Variants in SLC38A12 observed in about 807,000 individuals in gnomAD.
SLC38A12 encodes putative sodium-coupled neutral amino acid transporter 12.
At chr17:74,808,712 C>T in the SLC38A12 span, among the ~76,000 whole-genome samples, 2 of 152,196 alleles carry the variant, frequency 1.3e-5, no homozygotes, top group Admixed American at 1.3e-4. Flanking sequence ...AATACCAGCT[C>T]CCAGCTAGAA....
the SLC38A12 span, among the ~76,000 whole-genome samples, chr17:74,819,137 C>T: frequency 2.6e-5 from 4 of 152,198 alleles, no homozygotes; most frequent in East Asian, 1.9e-4. Context: ...TTGGTCATCC[C>T]GGGTACTTCC....
chr17:74,833,315 G>A, the SLC38A12 span, among the ~76,000 whole-genome samples: 4 of 152,310 alleles, frequency 2.6e-5, no homozygotes, highest in East Asian at 3.9e-4. Flanking sequence ...GTGCCCAGCC[G>A]CCATGGCTTT....
chr17:74,782,534 T>C, the SLC38A12 span, among the ~76,000 whole-genome samples: 6 of 152,226 alleles, frequency 3.9e-5, no homozygotes, highest in Non-Finnish European at 8.8e-5. Flanking sequence ...CTGAGCTAGC[T>C]AGATGACCCC....
At chr17:74,782,551 C>G in the SLC38A12 span, among the ~76,000 whole-genome samples, 5 of 152,330 alleles carry the variant, frequency 3.3e-5, no homozygotes, top group Admixed American at 1.3e-4. Context: ...CCCCTTCCCA[C>G]CCTTGTACAC....
chr17:74,836,791 T>G, the SLC38A12 span: 10 of 1,468,926 alleles, frequency 6.8e-6, no homozygotes, highest in Non-Finnish European at 8.1e-6. The surrounding 1 kb of genome is among the most constrained non-coding windows in gnomAD (Gnocchi z 4.2). Context: ...ATGGGGCAGG[T>G]GGGACTGTGG....
the SLC38A12 span, among the ~76,000 whole-genome samples, chr17:74,804,253 TAAAG>T: frequency 4.6e-5 from 7 of 152,268 alleles, no homozygotes; most frequent in African/African-American, 1.7e-4. Flanking sequence ...TTTAATTAAA[TAAAG>T]CACTCACTCA....
At chr17:74,790,896 C>T in the SLC38A12 span, 7 of 1,525,774 alleles carry the variant, frequency 4.6e-6, no homozygotes, top group Non-Finnish European at 6.3e-6. Flanking sequence ...GTCCTCACCA[C>T]CCTCTGAAGC....
chr17:74,795,567 A>C, the SLC38A12 span: 1 of 1,614,102 alleles, frequency 6.2e-7, no homozygotes, highest in East Asian at 2.2e-5. Context: ...AGCAGACACC[A>C]AATACAATGA....
the SLC38A12 span, among the ~76,000 whole-genome samples, chr17:74,782,816 G>A: frequency 6.6e-6 from 1 of 152,170 alleles, no homozygotes; most frequent in South Asian, 2.1e-4. Flanking sequence ...CATCATTCTG[G>A]GATTTGTCTG....
the SLC38A12 span, chr17:74,836,623 T>C: frequency 1.2e-6 from 2 of 1,612,832 alleles, no homozygotes; most frequent in Non-Finnish European, 1.7e-6. This position sits in a 1 kb window ranked among gnomAD's most constrained non-coding sequence, Gnocchi z 4.2. Flanking sequence ...TTCGTGCTGC[T>C]CTGGGCTTTC....
At chr17:74,796,704 T>C in the SLC38A12 span, among the ~76,000 whole-genome samples, 2 of 152,162 alleles carry the variant, frequency 1.3e-5, no homozygotes, top group Non-Finnish European at 2.9e-5. Context: ...TGGCTAGCAG[T>C]TTAGTAGGCT....
chr17:74,803,936 A>G, the SLC38A12 span, among the ~76,000 whole-genome samples: 2 of 152,254 alleles, frequency 1.3e-5, no homozygotes, highest in African/African-American at 4.8e-5. Flanking sequence ...ACAAAATAAA[A>G]GTGTCAAAAA....
chr17:74,778,915 G>A, the SLC38A12 span, among the ~76,000 whole-genome samples: 4 of 152,092 alleles, frequency 2.6e-5, no homozygotes, highest in East Asian at 3.9e-4. Flanking sequence ...TGATCCACCC[G>A]CCTCAGCCTC....
At chr17:74,834,265 C>CT in the SLC38A12 span, among the ~76,000 whole-genome samples, 1,008 of 152,210 alleles carry the variant, frequency 6.6e-3, 5 homozygotes, top group Middle Eastern at 0.075. Flanking sequence ...TAGGTCGCCG[C>CT]TTCCGCTTGA....
chr17:74,837,679 T>C, the SLC38A12 span: 64 of 985,712 alleles, frequency 6.5e-5, no homozygotes, highest in African/African-American at 6.8e-4. Context: ...CCTTGGGCAA[T>C]GTGGGGTTGG....
the SLC38A12 span, among the ~76,000 whole-genome samples, chr17:74,831,058 G>T: frequency 8.5e-5 from 13 of 152,212 alleles, no homozygotes; most frequent in Non-Finnish European, 1.8e-4. Context: ...AGCAGCCACA[G>T]ACCTATAGGG....
the SLC38A12 span, among the ~76,000 whole-genome samples, chr17:74,805,556 A>T: frequency 6.6e-6 from 1 of 152,004 alleles, no homozygotes; most frequent in Non-Finnish European, 1.5e-5. This position sits in a 1 kb window ranked among gnomAD's most constrained non-coding sequence, Gnocchi z 5.0. Context: ...CACTTCTCAA[A>T]CCCGCTTCAA....
At chr17:74,829,473 G>A in the SLC38A12 span, among the ~76,000 whole-genome samples, 1 of 152,002 alleles carries the variant, frequency 6.6e-6, no homozygotes, top group African/African-American at 2.4e-5. The surrounding 1 kb of genome is among the most constrained non-coding windows in gnomAD (Gnocchi z 4.1). Flanking sequence ...CAGGAGCCTC[G>A]GCCTCGTGTG....
the SLC38A12 span, among the ~76,000 whole-genome samples, chr17:74,778,252 A>G: frequency 6.6e-6 from 1 of 152,208 alleles, no homozygotes; most frequent in Non-Finnish European, 1.5e-5. Flanking sequence ...ATGATTGGTC[A>G]TAGTTGTTAC....
Sources: allele counts gnomAD v4.1 joint callset (sites outside exome capture counted in the v4.1 genomes callset), GRCh38; gene constraint gnomAD v4.1.1; non-coding constraint Gnocchi (gnomAD v3.1); transcripts MANE v1.5; gene names NCBI Gene and HGNC (gene_info 2026-07-23, HGNC 2026-07-21).